PEX14: variants seen among roughly 807,000 people sequenced by gnomAD.
PEX14 encodes the protein peroxisomal biogenesis factor 14.
Under a neutral mutation model 49.5 loss-of-function variants are expected in PEX14, and 15 were observed. That is an observed-to-expected ratio of 0.30 (90% CI 0.20 to 0.47). The LOEUF is 0.47. PEX14 is among the 20% of genes least tolerant of loss of function. The pLI is 1.00. For synonymous variants in PEX14, 210 were observed against 212.7 expected, an observed-to-expected ratio of 0.99 and a Z score of 0.11; for missense variants, 398 against 494.8, an observed-to-expected ratio of 0.80 and a Z score of 1.86.
chr1:10,594,229 T>C (rs749631775), intron 3 of PEX14, among the ~76,000 whole-genome samples: 2 of 151,932 alleles, frequency 1.3e-5, no homozygotes, highest in East Asian at 3.9e-4. Flanking sequence ...TCTGAGAGAG[T>C]TGATTTTTTT....
chr1:10,629,729 G>T lies in PEX14; in HGVS notation c.876G>T (p.Leu292Phe). ...AGGGCTCCACGGTCACCTACCACTTGCTGGGCCCCCAGGAGGAAGGCGAGG... is the reference window on the plus strand; with the variant it reads ...AGGGCTCCACGGTCACCTACCACTTTCTGGGCCCCCAGGAGGAAGGCGAGG... Reference protein sequence around the residue: ...SPEGSTVTYHLLGPQEEGEGV... With the variant: ...SPEGSTVTYHFLGPQEEGEGV... Residue 292 changes from leucine to phenylalanine, a missense_variant, in exon 9 of 9, where the codon TTG (leucine) becomes TTT (phenylalanine). This residue lies in a region of PEX14 where 140 missense variants were observed against 155.5 expected (regional missense o/e 0.90). Coordinates refer to ENST00000356607, the MANE Select transcript of PEX14 (RefSeq NM_004565.3). This position sits in a 1 kb window ranked among gnomAD's most constrained non-coding sequence, Gnocchi z 8.5. 4 of 1,601,618 alleles carry T rather than the reference G, an allele frequency of 2.5e-6. No homozygotes were observed. Among genetic ancestry groups the T allele is most frequent in the Non-Finnish European group, 3.4e-6 (4 of 1,174,104 alleles).
intron 7 of PEX14, among the ~76,000 whole-genome samples, chr1:10,626,797 G>A (rs575095997): frequency 4.6e-5 from 7 of 152,302 alleles, no homozygotes; most frequent in South Asian, 2.1e-4. Flanking sequence ...CCTCTTCCCC[G>A]TCTATACCAG....
intron 3 of PEX14, among the ~76,000 whole-genome samples, chr1:10,588,757 C>T (rs946937070): frequency 2.1e-4 from 32 of 152,104 alleles, no homozygotes; most frequent in Middle Eastern, 3.4e-3. Flanking sequence ...AGTGACCCCA[C>T]GTGCAAGAGT....
chr1:10,620,291 C>CAATAAAATAAAATAAAATAAAATAA (rs59926174), intron 5 of PEX14, among the ~76,000 whole-genome samples: 66 of 142,386 alleles, frequency 4.6e-4, no homozygotes, highest in African/African-American at 1.4e-3. Context: ...CTCTACCAAA[C>CAATAAAATAAAATAAAATAAAATAA]AATAAAATAA....
chr1:10,487,485 T>C (rs1358852495), intron 1 of PEX14, among the ~76,000 whole-genome samples: 7 of 135,372 alleles, frequency 5.2e-5, no homozygotes, highest in East Asian at 4.2e-4. Context: ...TTCTTTCTTT[T>C]TTTTTTTTTT....
chr1:10,598,811 G>A (rs935529268), intron 3 of PEX14, among the ~76,000 whole-genome samples: 1 of 151,674 alleles, frequency 6.6e-6, no homozygotes, highest in Non-Finnish European at 1.5e-5. Flanking sequence ...CTAATTAGTC[G>A]TCTCACCCAA....
chr1:10,485,467 C>A (rs1641351765), intron 1 of PEX14, among the ~76,000 whole-genome samples: 1 of 151,018 alleles, frequency 6.6e-6, no homozygotes, highest in African/African-American at 2.5e-5. Flanking sequence ...AGGTGCATGC[C>A]ACCATGCCCA....
At chr1:10,519,982 A>G (rs1202925481) in intron 2 of PEX14, among the ~76,000 whole-genome samples, 1 of 152,032 alleles carries the variant, frequency 6.6e-6, no homozygotes, top group Admixed American at 6.6e-5. Flanking sequence ...AAGTGGTGAG[A>G]GTAAAATAAA....
intron 3 of PEX14, among the ~76,000 whole-genome samples, chr1:10,573,904 C>T (rs1640051123): frequency 6.6e-6 from 1 of 152,202 alleles, no homozygotes; most frequent in Admixed American, 6.5e-5. Context: ...AGTTCAAGAC[C>T]AGCCTGGTTA....
chr1:10,523,502 A>G (rs1269293007), intron 2 of PEX14, among the ~76,000 whole-genome samples: 2 of 152,110 alleles, frequency 1.3e-5, no homozygotes, highest in African/African-American at 4.8e-5. Flanking sequence ...CTTAGAAATT[A>G]TAAAATGGCA....
Position 10,629,871 on chromosome 1 carries a change from G to A in PEX14, c.1018G>A (p.Glu340Lys). 3 of 1,612,718 alleles carry A rather than the reference G, an allele frequency of 1.9e-6. No individual in the cohort carries two copies. Among genetic ancestry groups the A allele is most frequent in the Non-Finnish European group, 2.5e-6 (3 of 1,179,226 alleles). The change falls in exon 9 of 9, where the codon GAG (glutamate) becomes AAG (lysine). Residue 340 changes from glutamate (E) to lysine (K), a missense_variant. Around this residue, in one of 3 missense-constraint regions of PEX14, gnomAD observed 140 missense variants for 155.5 expected, o/e 0.90. Transcript: ENST00000356607. This position sits in a 1 kb window ranked among gnomAD's most constrained non-coding sequence, Gnocchi z 8.5. ...EDDDVSHVDE[E>K]DCLGVQREDR... Reference sequence around the variant, plus strand: ...TGATGATGTGAGCCATGTGGACGAGGAGGACTGCCTGGGGGTGCAGAGGGA... The same window carrying A: ...TGATGATGTGAGCCATGTGGACGAGAAGGACTGCCTGGGGGTGCAGAGGGA...
At chr1:10,610,398 C>CACACATAT (rs70997260) in intron 4 of PEX14, among the ~76,000 whole-genome samples, 219 of 140,690 alleles carry the variant, frequency 1.6e-3, no homozygotes, top group Non-Finnish European at 2.6e-3. Context: ...CACACACACA[C>CACACATAT]ATATATATAT....
chr1:10,549,157 A>C (rs921260827), intron 3 of PEX14, among the ~76,000 whole-genome samples: 12 of 152,200 alleles, frequency 7.9e-5, no homozygotes, highest in Non-Finnish European at 1.5e-4. Context: ...CCTCTGTGAT[A>C]AATTAAATAT....
intron 3 of PEX14, among the ~76,000 whole-genome samples, chr1:10,587,475 A>G (rs1640528941): frequency 6.6e-6 from 1 of 152,138 alleles, no homozygotes; most frequent in Non-Finnish European, 1.5e-5. Context: ...TAACGAGACA[A>G]TTTTTTAACC....
chr1:10,475,876 C>T (rs1182952817), intron 1 of PEX14, among the ~76,000 whole-genome samples: 1 of 152,136 alleles, frequency 6.6e-6, no homozygotes, highest in East Asian at 1.9e-4. Flanking sequence ...GTTTAGTGTT[C>T]ACTACAACCT....
At chr1:10,524,325 T>C (rs553758892) in intron 2 of PEX14, 1 of 233,062 alleles carries the variant, frequency 4.3e-6, no homozygotes, top group Non-Finnish European at 7.0e-6. Context: ...GAACAGTATG[T>C]GAAGAACCAA....
chr1:10,488,561 G>A (rs1489584939), intron 1 of PEX14, among the ~76,000 whole-genome samples: 9 of 151,378 alleles, frequency 5.9e-5, no homozygotes, highest in Non-Finnish European at 1.3e-4. Flanking sequence ...GTGCAGTGGC[G>A]TGACCTCGGT....
chr1:10,571,541 C>A (rs937231553), intron 3 of PEX14, among the ~76,000 whole-genome samples: 2 of 151,964 alleles, frequency 1.3e-5, no homozygotes, highest in Non-Finnish European at 2.9e-5. Flanking sequence ...GGGCACAGTG[C>A]CTCATGCCTA....
At chr1:10,537,233 A>C (rs1638833884) in intron 3 of PEX14, among the ~76,000 whole-genome samples, 1 of 150,646 alleles carries the variant, frequency 6.6e-6, no homozygotes, top group African/African-American at 2.5e-5. Flanking sequence ...GAAGAAGCCC[A>C]AACATTTCAC....
Sources: gnomAD v4.1 joint callset for allele counts (sites outside exome capture counted in the v4.1 genomes callset) on GRCh38, gnomAD v4.1.1 for gene constraint, gnomAD v4.1.1 regional missense constraint, Gnocchi (gnomAD v3.1) non-coding constraint, MANE v1.5 for transcripts, NCBI Gene and HGNC (gene_info 2026-07-23, HGNC 2026-07-21) for gene names.